Variants in ALMS1 observed in about 807,000 individuals in gnomAD.
ALMS1 encodes the protein centrosome-associated protein ALMS1.
ALMS1 carries 271 observed loss-of-function variants against 352.2 expected under a neutral mutation model. That is an observed-to-expected ratio of 0.77 (90% CI 0.70 to 0.85). The LOEUF is 0.85. ALMS1 is among the 40% of genes least tolerant of loss of function. The pLI is 0.00. For synonymous variants in ALMS1, 1,865 were observed against 1,761.2 expected (o/e 1.06, Z -1.48); for missense variants, 5,445 against 4,870.7 (o/e 1.12, Z -3.51).
chr2:73,516,446 A>G (rs1673556745), intron 10 of ALMS1, among the ~76,000 whole-genome samples: 1 of 152,240 alleles, frequency 6.6e-6, no homozygotes, highest in Non-Finnish European at 1.5e-5. Context: ...ATTACTGGGT[A>G]TATACCCAAA....
Position 73,468,130 on chromosome 2 carries a change from A to C in ALMS1, c.7674+12835A>C, listed in dbSNP as rs535184792. ...TTGAACAAGAGATACAATTGAAATC[A>C]TAGAAAAGGAACTTTAAGAAGGCAA... On this transcript the variant is annotated intron_variant, in intron 9 of 22. Coordinates refer to ENST00000613296, the MANE Select transcript of ALMS1 (RefSeq NM_001378454.1). Among the ~76,000 whole-genome samples, 44 of 152,146 alleles carry C rather than the reference A, an allele frequency of 2.9e-4. No individual in the cohort carries two copies. The South Asian group carries it at 8.3e-3, about 29-fold the overall frequency.
chr2:73,513,526 C>G (rs947098769), intron 10 of ALMS1, among the ~76,000 whole-genome samples: 2 of 152,162 alleles, frequency 1.3e-5, no homozygotes, highest in Non-Finnish European at 2.9e-5. Flanking sequence ...CTCCTGTCAC[C>G]CTGCTTGAGT....
intron 9 of ALMS1, chr2:73,470,196 C>G (rs1672440105): frequency 6.6e-6 from 1 of 151,530 alleles, no homozygotes; most frequent in Non-Finnish European, 1.5e-5. Context: ...TATTTCTGCT[C>G]TAATTTTTAT....
chr2:73,479,159 C>T (rs1484190355), intron 9 of ALMS1, among the ~76,000 whole-genome samples: 1 of 152,028 alleles, frequency 6.6e-6, no homozygotes, highest in Admixed American at 6.6e-5. Flanking sequence ...TTTAAGTCAA[C>T]ATTTTGTTTT....
At chr2:73,541,833 C>G (rs1030765261) in intron 12 of ALMS1, among the ~76,000 whole-genome samples, 25 of 152,216 alleles carry the variant, frequency 1.6e-4, no homozygotes, top group Non-Finnish European at 3.4e-4. Flanking sequence ...AGTTGAATCT[C>G]TGAATAGACC....
chr2:73,424,119 A>G (rs975984174), intron 4 of ALMS1, among the ~76,000 whole-genome samples: 1 of 152,146 alleles, frequency 6.6e-6, no homozygotes, highest in Non-Finnish European at 1.5e-5. Context: ...ACTAGTAAAA[A>G]AGTTAACGCA....
At chr2:73,583,212 G>T (rs1362109790) in intron 16 of ALMS1, among the ~76,000 whole-genome samples, 4 of 145,220 alleles carry the variant, frequency 2.8e-5, no homozygotes, top group South Asian at 2.2e-4. Context: ...TTTTTTTTTA[G>T]AGGTGGGGTC....
At chr2:73,561,542 CAG>C (rs1281737292) in intron 15 of ALMS1, among the ~76,000 whole-genome samples, 1 of 152,012 alleles carries the variant, frequency 6.6e-6, no homozygotes, top group Non-Finnish European at 1.5e-5. Context: ...ATCATAGAAA[CAG>C]AAAGTAGAAT....
At chr2:73,488,886 G>GT (rs746362326) in intron 9 of ALMS1, among the ~76,000 whole-genome samples, 1 of 152,160 alleles carries the variant, frequency 6.6e-6, no homozygotes, top group African/African-American at 2.4e-5. Flanking sequence ...CAAGGTCTTG[G>GT]TTTTTTCCCC....
intron 10 of ALMS1, among the ~76,000 whole-genome samples, chr2:73,501,088 C>T (rs1478749130): frequency 6.6e-6 from 1 of 152,130 alleles, no homozygotes; most frequent in Non-Finnish European, 1.5e-5. Context: ...TCCATGATGA[C>T]TAATGATGCT....
chr2:73,608,503 A>C lies in ALMS1; in HGVS notation c.12391A>C (p.Lys4131Gln). The change falls in exon 22 of 23, where the codon AAA becomes CAA. Residue 4131 changes from lysine to glutamine, a missense_variant. Lys to Gln is a moderately conservative substitution (Grantham distance 53, BLOSUM62 1). Coordinates refer to ENST00000613296, the MANE Select transcript of ALMS1 (RefSeq NM_001378454.1). ...TTATGAGCAGCTTCCAGAAGTACAG[A>C]AAAAGAGAGAAGAAGAGAAGAGAAA... is the stretch of plus-strand genomic sequence containing the variant. ...RIYEQLPEVQKKREEEKRKSE... is the reference protein window; with the variant it reads ...RIYEQLPEVQQKREEEKRKSE... 6.2e-7 allele frequency: 1 copy of C among 1,613,822 alleles called. No homozygotes were observed. Among genetic ancestry groups the C allele is most frequent in the Non-Finnish European group, 8.5e-7 (1 of 1,179,776 alleles).
rs2103778839 is a variant in ALMS1 at position 73,449,936 on chromosome 2, C to T, written c.3409C>T (p.Pro1137Ser). The T allele has an allele frequency of 6.2e-7, 1 of 1,613,902 alleles. No individual in the cohort carries two copies. The highest frequency in any genetic ancestry group is 8.5e-7 in the Non-Finnish European group (1 of 1,179,934). ...PGLADQKTGT[P>S]TVTSTSYSQH... ...ACTAGCAGACCAGAAGACTGGCACACCAACTGTAACCTCAACTTCCTACTC... is the reference window on the plus strand; with the variant it reads ...ACTAGCAGACCAGAAGACTGGCACATCAACTGTAACCTCAACTTCCTACTC... Residue 1137 changes from proline to serine, a missense_variant, in exon 8 of 23, where the codon CCA becomes TCA. Transcript: ENST00000613296.
At chr2:73,560,073 A>T (rs531907689) in intron 15 of ALMS1, among the ~76,000 whole-genome samples, 1 of 152,316 alleles carries the variant, frequency 6.6e-6, no homozygotes, top group African/African-American at 2.4e-5. Flanking sequence ...GACAAAGTAG[A>T]CAAGAGTGTG....
intron 22 of ALMS1, among the ~76,000 whole-genome samples, chr2:73,609,104 T>C (rs1347222306): frequency 2.0e-5 from 3 of 152,234 alleles, no homozygotes; most frequent in African/African-American, 7.2e-5. Flanking sequence ...GTTAATTCTC[T>C]GAGAAACCAG....
rs748955901 is a variant in ALMS1 at position 73,452,254 on chromosome 2, G to A, written c.5727G>A (p.Glu1909=). The part of the protein sequence containing the change: ...REKASIFHQQ[E]LPDVTEEALN... Reference sequence around the variant, plus strand: ...AGGCCAGTATTTTTCATCAGCAGGAGTTGCCAGATGTTACTGAAGAAGCTT... The same window carrying A: ...AGGCCAGTATTTTTCATCAGCAGGAATTGCCAGATGTTACTGAAGAAGCTT... Residue 1909 remains glutamate (E), a synonymous_variant, in exon 8 of 23, where the codon GAG becomes GAA. Coordinates refer to ENST00000613296, the MANE Select transcript of ALMS1 (RefSeq NM_001378454.1). 9.9e-6 allele frequency: 16 copies of A among 1,613,960 alleles called. No homozygotes were observed. The highest frequency in any genetic ancestry group is 1.3e-5 in the Non-Finnish European group (15 of 1,180,024).
At chr2:73,447,054 T>C (rs1671823146) in intron 7 of ALMS1, among the ~76,000 whole-genome samples, 1 of 35,112 alleles carries the variant, frequency 2.8e-5, no homozygotes, top group Non-Finnish European at 6.1e-5. Flanking sequence ...GTAGGGATTA[T>C]TGTCTGTTTA....
In ALMS1 at chr2:73,455,309, C is replaced by T. The variant is rs376078582; in HGVS notation, c.7674+14C>T. 2 of 1,613,542 alleles carry T rather than the reference C, an allele frequency of 1.2e-6. No individual in the cohort carries two copies. Among genetic ancestry groups the T allele is most frequent in the Non-Finnish European group, 1.7e-6 (2 of 1,179,842 alleles). ...GACTTGTCCAAGGTATAAAAGAAAT[C>T]TGGAAATGAAGAAAGTAAATATGAA... On this transcript the variant is annotated intron_variant, in intron 9 of 22. Transcript: ENST00000613296.
chr2:73,439,042 T>C (rs1671662751), intron 7 of ALMS1, among the ~76,000 whole-genome samples: 1 of 151,802 alleles, frequency 6.6e-6, no homozygotes, highest in Non-Finnish European at 1.5e-5. Context: ...TTTTTTCTTC[T>C]TCTTCTTCCT....
At chr2:73,413,625 G>A (rs1297317843) in intron 2 of ALMS1, among the ~76,000 whole-genome samples, 1 of 152,112 alleles carries the variant, frequency 6.6e-6, no homozygotes, top group Non-Finnish European at 1.5e-5. Flanking sequence ...AGGGAGAGGC[G>A]TGTCAAAATC....
Sources: allele counts gnomAD v4.1 joint callset (sites outside exome capture counted in the v4.1 genomes callset), GRCh38; gene constraint gnomAD v4.1.1; transcripts MANE v1.5; gene names NCBI Gene and HGNC (gene_info 2026-07-23, HGNC 2026-07-21).